NPC1L1: variants seen among roughly 807,000 people sequenced by gnomAD.
NPC1L1 encodes the protein NPC1 like intracellular cholesterol transporter 1.
Under a neutral mutation model 117.0 loss-of-function variants are expected in NPC1L1, and 98 were observed. The observed-to-expected ratio is 0.84, with a 90% CI of 0.71 to 0.99. The LOEUF (loss-of-function observed/expected upper bound fraction) is 0.99. Ranked by LOEUF, NPC1L1 falls within the 50% of genes least tolerant of loss-of-function variation. NPC1L1 has a pLI of 0.00. For missense variants in NPC1L1, 1,540 were observed against 1,710.0 expected, an observed-to-expected ratio of 0.90 and a Z score of 1.75; for synonymous variants, 729 against 727.6, an observed-to-expected ratio of 1.00 and a Z score of -0.03.
intron 2 of NPC1L1, 86 bp from the exon 3 acceptor site, chr7:44,537,028 C>T (rs1184776337): frequency 9.3e-7 from 1 of 1,080,498 alleles, no homozygotes; most frequent in Admixed American, 2.2e-5. Context: ...CCACCCCAGA[C>T]CCACAGCACT....
chr7:44,538,284 G>A lies in NPC1L1; in HGVS notation c.1580+533C>T, dbSNP rs374978765. Reference sequence around the variant, plus strand: ...ACCAGAGTGGACAGAACCAAAGACCGAACCCCAATCAATAGAAGTGTGTGT... The same window carrying A: ...ACCAGAGTGGACAGAACCAAAGACCAAACCCCAATCAATAGAAGTGTGTGT... On this transcript the variant is annotated intron_variant, in intron 2 of 18. Transcript: ENST00000381160. The surrounding 1 kb of genome is among the most constrained non-coding windows in gnomAD (Gnocchi z 5.9). 9.8e-5 allele frequency among the ~76,000 whole-genome samples: 15 copies of A among 152,304 alleles called. No homozygotes were observed. The highest frequency in any genetic ancestry group is 3.4e-4 in the African/African-American group (14 of 41,566).
Position 44,536,508 on chromosome 7 carries a change from C to T in NPC1L1, c.1682-80G>A. On this transcript the variant is annotated intron_variant, in intron 3 of 18. Coordinates refer to ENST00000381160, the MANE Select transcript of NPC1L1 (RefSeq NM_001101648.2). The surrounding 1 kb of genome is among the most constrained non-coding windows in gnomAD (Gnocchi z 4.7). ...CCAGCTGCACCCCTATATTCCCTCC[C>T]CCTATCTAGCTGCACCCCTCCCATC... The T allele has an allele frequency of 2.0e-6, 3 of 1,471,558 alleles. No homozygotes were observed. Among genetic ancestry groups the T allele is most frequent in the Middle Eastern group, 3.4e-4 (2 of 5,810 alleles). 91.2% of individuals were successfully genotyped at this position (1,471,558 alleles called of 1,614,324 possible). A position where few individuals can be genotyped will look rare whatever the true frequency, so the allele number is the denominator to read the frequency against.
chr7:44,533,551 C>CA lies in NPC1L1; in HGVS notation c.2288dup (p.Thr764AspfsTer20). On this transcript the variant is annotated frameshift_variant, in exon 8 of 19. Coordinates refer to ENST00000381160, the MANE Select transcript of NPC1L1 (RefSeq NM_001101648.2). LOFTEE classifies it high-confidence loss of function. ...AGGTCCGCACAGCTGGCATGGGGGT[C>CA]AGGGCCCCTGTGAGGGAGCAGAGGG... is the stretch of plus-strand genomic sequence containing the variant. The CA allele has an allele frequency of 6.2e-7, 1 of 1,614,176 alleles. No homozygotes were observed. The highest frequency in any genetic ancestry group is 8.5e-7 in the Non-Finnish European group (1 of 1,180,038).
rs1258937210 is a variant in NPC1L1 at position 44,521,854 on chromosome 7, G to A, written c.2829-18C>T. 6.2e-7 allele frequency: 1 copy of A among 1,613,850 alleles called. No homozygotes were observed. Among genetic ancestry groups the A allele is most frequent in the Non-Finnish European group, 8.5e-7 (1 of 1,179,980 alleles). On this transcript the variant is annotated intron_variant, in intron 11 of 18. Coordinates refer to ENST00000381160, the MANE Select transcript of NPC1L1 (RefSeq NM_001101648.2). ...GGTAAGACCTAAGGGGCAGGTGGGA[G>A]GAAGGGTGAAAAGGCCAGCTGGGCA...
Position 44,540,108 on chromosome 7 carries a change from C to T in NPC1L1, c.289G>A (p.Val97Ile). 6.2e-7 allele frequency: 1 copy of T among 1,614,158 alleles called. No individual in the cohort carries two copies. Among genetic ancestry groups the T allele is most frequent in the East Asian group, 2.2e-5 (1 of 44,874 alleles). ...TQACCSAKQLVSLEASLSITK... is the reference protein window; with the variant it reads ...TQACCSAKQLISLEASLSITK... ...ATCGACAGACTCGCTTCCAGTGATA[C>T]CAGCTGCTTGGCGGAGCAGCAGGCT... The change falls in exon 2 of 19, where the codon GTA (valine) becomes ATA (isoleucine). Residue 97 changes from valine to isoleucine, a missense_variant. Val to Ile is a conservative substitution (Grantham distance 29). This residue lies in a region of NPC1L1 where 793 missense variants were observed against 820.4 expected (regional missense o/e 0.97). Transcript: ENST00000381160.
At chr7:44,520,743 C>T (rs1801327211) in intron 14 of NPC1L1, 22 bp downstream of exon 14, 3 of 1,611,682 alleles carry the variant, frequency 1.9e-6, no homozygotes, top group Non-Finnish European at 2.5e-6. Flanking sequence ...ATGTCCTCCC[C>T]TCCAGGCAAG....
intron 14 of NPC1L1, 109 bp from the exon 15 acceptor site, chr7:44,517,466 T>C: frequency 7.4e-7 from 1 of 1,349,334 alleles, no homozygotes; most frequent in Non-Finnish European, 1.0e-6. Context: ...TCAAGCGGGG[T>C]TCAGGGCTCT....
Position 44,539,754 on chromosome 7 carries a change from G to C in NPC1L1, c.643C>G (p.Pro215Ala). The stretch of plus-strand genomic sequence containing the variant: ...AAGAGGTGGAAGGTGATGTCCAGTG[G>C]GGCCAGACCATTGCCTGTGTCTCCC... Reference protein sequence around the residue: ...FQGDTGNGLAPLDITFHLLEP... With the variant: ...FQGDTGNGLAALDITFHLLEP... The change falls in exon 2 of 19, where the codon CCA (proline) becomes GCA (alanine). Residue 215 changes from proline to alanine, a missense_variant. By Grantham distance (27) the Pro-to-Ala change is conservative. Around this residue, in one of 3 missense-constraint regions of NPC1L1, gnomAD observed 793 missense variants for 820.4 expected, o/e 0.97. Transcript: ENST00000381160. This position sits in a 1 kb window ranked among gnomAD's most constrained non-coding sequence, Gnocchi z 4.4. 6.2e-7 allele frequency: 1 copy of C among 1,614,152 alleles called. No individual in the cohort carries two copies. Among genetic ancestry groups the C allele is most frequent in the South Asian group, 1.1e-5 (1 of 91,088 alleles).
intron 10 of NPC1L1, 96 bp downstream of exon 10, chr7:44,531,659 C>T (rs1801702744): frequency 1.9e-6 from 2 of 1,072,332 alleles, no homozygotes; most frequent in Non-Finnish European, 1.4e-6. Context: ...TCTGGCCAAG[C>T]CCCTGGCCGG....
In NPC1L1 at chr7:44,536,721, C is replaced by T. The variant is rs1801906390; in HGVS notation, c.1681+121G>A. ...ACAGGACAGGGTTGGCCTACAGCTT[C>T]CAGAAGCCAGGCTACCCCCAGGCCG... On this transcript the variant is annotated intron_variant, in intron 3 of 18. Transcript: ENST00000381160. The surrounding 1 kb of genome is among the most constrained non-coding windows in gnomAD (Gnocchi z 4.7). 3.4e-6 allele frequency: 3 copies of T among 886,936 alleles called. No individual in the cohort carries two copies. Among genetic ancestry groups the T allele is most frequent in the Non-Finnish European group, 1.9e-6 (1 of 540,426 alleles). The allele number at this position is 886,936 out of a possible 1,614,324, so 54.9% of individuals were successfully genotyped here.
At chr7:44,532,562 T>C (rs1801740544) in intron 8 of NPC1L1, among the ~76,000 whole-genome samples, 1 of 152,158 alleles carries the variant, frequency 6.6e-6, no homozygotes, top group Non-Finnish European at 1.5e-5. Flanking sequence ...CTTCCTCCTC[T>C]TCCTCAGCCT....
At position 44,536,919 on chromosome 7, in the gene NPC1L1, C is replaced by A; in HGVS notation, c.1604G>T (p.Gly535Val). Residue 535 changes from glycine (G) to valine (V), a missense_variant, in exon 3 of 19, where the codon GGC (glycine) becomes GTC (valine). By Grantham distance (109) the Gly-to-Val change is moderately radical. This residue lies in a region of NPC1L1 where 793 missense variants were observed against 820.4 expected (regional missense o/e 0.97). Coordinates refer to ENST00000381160, the MANE Select transcript of NPC1L1 (RefSeq NM_001101648.2). The surrounding 1 kb of genome is among the most constrained non-coding windows in gnomAD (Gnocchi z 4.7). ...CANAPLTFKD[G>V]TALALSCMAD... ...CATGCAGCTCAGGGCCAGGGCTGTGCCATCCTTGAAGGTGAGCGGGGCACT... is the reference window on the plus strand; with the variant it reads ...CATGCAGCTCAGGGCCAGGGCTGTGACATCCTTGAAGGTGAGCGGGGCACT... The A allele has an allele frequency of 6.2e-7, 1 of 1,614,030 alleles. No homozygotes were observed. Among genetic ancestry groups the A allele is most frequent in the African/African-American group, 1.3e-5 (1 of 75,046 alleles).
chr7:44,524,712 C>T (rs1171315067), intron 10 of NPC1L1, among the ~76,000 whole-genome samples: 3 of 151,980 alleles, frequency 2.0e-5, no homozygotes, highest in Non-Finnish European at 4.4e-5. Context: ...CCATTGCACT[C>T]CAGCCTGGGT....
At position 44,539,979 on chromosome 7, in the gene NPC1L1, T is replaced by C. The variant is rs769691267; in HGVS notation, c.418A>G (p.Thr140Ala). ...CCAGCCCCTAGCTGGGCCACGCGGGTCACATTGATGAAGAGGCTCTGATTG... is the reference window on the plus strand; with the variant it reads ...CCAGCCCCTAGCTGGGCCACGCGGGCCACATTGATGAAGAGGCTCTGATTG... The part of the protein sequence containing the change: ...SPNQSLFINV[T>A]RVAQLGAGQL... Residue 140 changes from threonine (T) to alanine (A), a missense_variant, in exon 2 of 19, where the codon ACC becomes GCC. Thr to Ala is a moderately conservative substitution (Grantham distance 58). Coordinates refer to ENST00000381160, the MANE Select transcript of NPC1L1 (RefSeq NM_001101648.2). This position sits in a 1 kb window ranked among gnomAD's most constrained non-coding sequence, Gnocchi z 4.4. 5 of 1,614,008 alleles carry C rather than the reference T, an allele frequency of 3.1e-6. No individual in the cohort carries two copies. The highest frequency in any genetic ancestry group is 4.2e-6 in the Non-Finnish European group (5 of 1,179,990).
intron 14 of NPC1L1, 66 bp from the exon 15 acceptor site, chr7:44,517,423 G>GAACAC (rs1031562883): frequency 1.3e-6 from 2 of 1,581,014 alleles, no homozygotes; most frequent in Admixed American, 3.3e-5. Context: ...GACAACTTCA[G>GAACAC]AACACCGCAG....
At chr7:44,533,403 C>T in intron 8 of NPC1L1, 28 bp downstream of exon 8, 1 of 1,613,064 alleles carries the variant, frequency 6.2e-7, no homozygotes, top group East Asian at 2.2e-5. Flanking sequence ...AGGGGCAGGT[C>T]CCTCAGTACT....
chr7:44,516,713 T>A lies in NPC1L1; in HGVS notation c.3509A>T (p.Asn1170Ile). 13 of 1,609,174 alleles carry A rather than the reference T, an allele frequency of 8.1e-6. No individual in the cohort carries two copies. The highest frequency in any genetic ancestry group is 1.1e-5 in the Non-Finnish European group (13 of 1,177,926). Residue 1170 changes from asparagine to isoleucine, a missense_variant, in exon 16 of 19, where the codon AAC (asparagine) becomes ATC (isoleucine). Around this residue, in one of 3 missense-constraint regions of NPC1L1, gnomAD observed 742 missense variants for 873.6 expected, o/e 0.85. Transcript: ENST00000381160. ...GISYNAVSLI[N>I]LVSAVGMSVE... ...TGTCTGCTGGGTTACCGAGACCAGG[T>A]TGATGAGGGACACAGCATTGTAACT...
chr7:44,536,529 C>T lies in NPC1L1; in HGVS notation c.1682-101G>A. ...CTCCCCCTATCTAGCTGCACCCCTCCCATCACCCCTTGCTCCTTCTCCCCC... is the reference window on the plus strand; with the variant it reads ...CTCCCCCTATCTAGCTGCACCCCTCTCATCACCCCTTGCTCCTTCTCCCCC... On this transcript the variant is annotated intron_variant, in intron 3 of 18. Transcript: ENST00000381160. The surrounding 1 kb of genome is among the most constrained non-coding windows in gnomAD (Gnocchi z 4.7). 1.5e-6 allele frequency: 2 copies of T among 1,307,284 alleles called. No homozygotes were observed. The highest frequency in any genetic ancestry group is 2.2e-6 in the Non-Finnish European group (2 of 917,988). 81.0% of individuals were successfully genotyped at this position (1,307,284 alleles called of 1,614,324 possible). A position where few individuals can be genotyped will look rare whatever the true frequency, so the allele number is the denominator to read the frequency against.
At chr7:44,537,954 G>A (rs1414230690) in intron 2 of NPC1L1, among the ~76,000 whole-genome samples, 1 of 152,174 alleles carries the variant, frequency 6.6e-6, no homozygotes, top group Admixed American at 6.5e-5. Flanking sequence ...CCAGGTAGCA[G>A]GGGACAGAAA....
Sources: gnomAD v4.1 joint callset for allele counts (sites outside exome capture counted in the v4.1 genomes callset) on GRCh38, gnomAD v4.1.1 for gene constraint, gnomAD v4.1.1 regional missense constraint, Gnocchi (gnomAD v3.1) non-coding constraint, MANE v1.5 for transcripts, NCBI Gene and HGNC (gene_info 2026-07-23, HGNC 2026-07-21) for gene names.